Variants in DOCK4 observed in about 807,000 individuals in gnomAD.
DOCK4 encodes dedicator of cytokinesis 4.
A neutral mutation model predicts 268.1 loss-of-function variants in DOCK4; 97 were observed. That is an observed-to-expected ratio of 0.36 (90% CI 0.31 to 0.43). DOCK4 has a LOEUF of 0.43. DOCK4 is among the 20% of genes least tolerant of loss of function. The probability of loss-of-function intolerance (pLI) is 1.00; values close to 1 mark genes in which losing one functional copy is unlikely to be tolerated. For synonymous variants in DOCK4, 954 were observed against 887.2 expected, an observed-to-expected ratio of 1.08 and a Z score of -1.34; for missense variants, 2,145 against 2,455.7, an observed-to-expected ratio of 0.87 and a Z score of 2.67.
At chr7:111,926,789 A>G (rs543607447) in intron 12 of DOCK4, among the ~76,000 whole-genome samples, 11 of 151,592 alleles carry the variant, frequency 7.3e-5, no homozygotes, top group East Asian at 1.9e-4. Flanking sequence ...AGCCGAGATC[A>G]TGCCACTGCA....
At chr7:111,956,363 C>A (rs1314352070) in intron 8 of DOCK4, among the ~76,000 whole-genome samples, 1 of 151,964 alleles carries the variant, frequency 6.6e-6, no homozygotes, top group Non-Finnish European at 1.5e-5. Context: ...TCATTCAAGC[C>A]CTGCAAAAAC....
rs369715294 is a variant in DOCK4, at chr7:111,728,525, C to A, written c.5677G>T (p.Val1893Leu). The stretch of plus-strand genomic sequence containing the variant: ...GGCTCCTCCCCGCCGTAGCTCGGCA[C>A]GGGCACCGGCACTGGCACCGGCAGG... ...APLPVPVPVP[V>L]PSYGGEEPVR... is the part of the protein sequence containing the mutation. Residue 1893 changes from valine to leucine, a missense_variant, in exon 53 of 53, where the codon GTG becomes TTG. Physicochemically the swap from Val to Leu is conservative, Grantham distance 32. Coordinates refer to ENST00000428084, the MANE Select transcript of DOCK4 (RefSeq NM_001363540.2). 1.9e-6 allele frequency: 3 copies of A among 1,613,434 alleles called. No homozygotes were observed. Among genetic ancestry groups the A allele is most frequent in the East Asian group, 4.5e-5 (2 of 44,808 alleles).
chr7:112,113,763 T>C (rs1284360487), intron 1 of DOCK4, among the ~76,000 whole-genome samples: 3 of 113,120 alleles, frequency 2.7e-5, no homozygotes, highest in African/African-American at 1.1e-4. Context: ...TTTTTTTTTT[T>C]TTTTTTTTTT....
intron 6 of DOCK4, 63 bp from the exon 7 acceptor site, chr7:111,984,453 T>C (rs957752062): frequency 3.4e-6 from 5 of 1,452,260 alleles, no homozygotes; most frequent in African/African-American, 2.8e-5. Context: ...TTAAAAACAA[T>C]TGGTTTTTTA....
intron 2 of DOCK4, 83 bp from the exon 3 acceptor site, chr7:112,000,617 G>T: frequency 9.3e-7 from 1 of 1,072,414 alleles, no homozygotes; most frequent in Non-Finnish European, 1.3e-6. Context: ...GTTCTTTGCC[G>T]ATGGAATTTT....
intron 10 of DOCK4, 122 bp from the exon 11 acceptor site, chr7:111,940,364 G>A: frequency 7.7e-7 from 1 of 1,292,956 alleles, no homozygotes; most frequent in Non-Finnish European, 1.1e-6. Flanking sequence ...AGAGCACCCA[G>A]GTTGGGCGTA....
intron 1 of DOCK4, 33 bp from the exon 2 acceptor site, chr7:112,004,164 A>C: frequency 6.8e-7 from 1 of 1,480,868 alleles, no homozygotes; most frequent in Non-Finnish European, 9.2e-7. Flanking sequence ...TATGAAGACA[A>C]TCATGTCCAT....
intron 1 of DOCK4, among the ~76,000 whole-genome samples, chr7:112,201,529 CAGGA>C (rs1820931718): frequency 6.6e-6 from 1 of 152,088 alleles, no homozygotes; most frequent in Non-Finnish European, 1.5e-5. Context: ...GCCTTCAGCT[CAGGA>C]AGATGCCATG....
intron 1 of DOCK4, among the ~76,000 whole-genome samples, chr7:112,178,151 C>T (rs532990856): frequency 1.3e-5 from 2 of 152,358 alleles, no homozygotes; most frequent in South Asian, 2.1e-4. Flanking sequence ...TCCTTCATCA[C>T]AGTTACAGGT....
chr7:111,777,020 C>T (rs992465202), intron 36 of DOCK4, among the ~76,000 whole-genome samples: 1 of 152,000 alleles, frequency 6.6e-6, no homozygotes, highest in Non-Finnish European at 1.5e-5. Context: ...GGTTTTGCCA[C>T]ATTTTCCACG....
chr7:111,926,568 GGGCGGGCGGGCAA>G (rs1217153205), intron 12 of DOCK4, among the ~76,000 whole-genome samples: 1 of 132,356 alleles, frequency 7.6e-6, no homozygotes, highest in Non-Finnish European at 1.6e-5. Context: ...GAAGGAAGCA[GGGCGGGCGGGCAA>G]GGCGGGCAAG....
intron 1 of DOCK4, among the ~76,000 whole-genome samples, chr7:112,074,545 T>C (rs1013032953): frequency 2.0e-5 from 3 of 152,164 alleles, no homozygotes; most frequent in Admixed American, 1.3e-4. Context: ...ATGGGGATAC[T>C]AGTGGGGGAC....
intron 23 of DOCK4, among the ~76,000 whole-genome samples, chr7:111,848,355 C>T (rs1369324705): frequency 2.0e-5 from 3 of 152,200 alleles, no homozygotes; most frequent in African/African-American, 7.2e-5. Flanking sequence ...ACACAGGTCC[C>T]TGTGCTCAGA....
intron 13 of DOCK4, among the ~76,000 whole-genome samples, chr7:111,912,452 G>C (rs1352049397): frequency 6.6e-6 from 1 of 151,978 alleles, no homozygotes; most frequent in Admixed American, 6.6e-5. Context: ...ACACAAGTGA[G>C]GTCCTTTTAT....
chr7:112,022,561 T>C (rs372833559), intron 1 of DOCK4, among the ~76,000 whole-genome samples: 102 of 152,304 alleles, frequency 6.7e-4, no homozygotes, highest in Admixed American at 2.9e-3. Context: ...AGCCAGCTAT[T>C]AACCGTGCTG....
chr7:111,857,790 A>T, intron 23 of DOCK4, among the ~76,000 whole-genome samples: 1 of 152,140 alleles, frequency 6.6e-6, no homozygotes, highest in Non-Finnish European at 1.5e-5. Context: ...CTCCTTCCCC[A>T]ACAACCTCTC....
chr7:111,861,189 C>A (rs543605626), intron 23 of DOCK4, among the ~76,000 whole-genome samples: 17 of 152,232 alleles, frequency 1.1e-4, no homozygotes, highest in African/African-American at 4.1e-4. Context: ...GCACAGAACC[C>A]TTAGGACTGA....
At chr7:112,102,667 G>A (rs1232498084) in intron 1 of DOCK4, among the ~76,000 whole-genome samples, 2 of 152,118 alleles carry the variant, frequency 1.3e-5, no homozygotes, top group Admixed American at 1.3e-4. Flanking sequence ...CTGGGGAACA[G>A]GCCCTCACCA....
chr7:111,872,257 A>C lies in DOCK4; in HGVS notation c.1926+12T>G, dbSNP rs1430943121. ...AAACAGTTAAAATACAATTAAGGGA[A>C]TTTGAACTTACCAAAGAATCAAACA... On this transcript the variant is annotated intron_variant, in intron 19 of 52. Coordinates refer to ENST00000428084, the MANE Select transcript of DOCK4 (RefSeq NM_001363540.2). 6.6e-7 allele frequency: 1 copy of C among 1,517,174 alleles called. No homozygotes were observed. Among genetic ancestry groups the C allele is most frequent in the Non-Finnish European group, 8.9e-7 (1 of 1,127,130 alleles). 94.0% of individuals were successfully genotyped at this position (1,517,174 alleles called of 1,614,324 possible). A position where few individuals can be genotyped will look rare whatever the true frequency, so the allele number is the denominator to read the frequency against.
Sources: gnomAD v4.1 joint callset for allele counts (sites outside exome capture counted in the v4.1 genomes callset) on GRCh38, gnomAD v4.1.1 for gene constraint, MANE v1.5 for transcripts, NCBI Gene and HGNC (gene_info 2026-07-23, HGNC 2026-07-21) for gene names.